GALNT17: variants seen among roughly 807,000 people sequenced by gnomAD.
GALNT17 encodes UDP-GalNAc:polypeptide N-acetylgalactosaminyltransferase-like 3.
A neutral mutation model predicts 63.7 loss-of-function variants in GALNT17; 29 were observed. The ratio of observed to expected loss-of-function variants is 0.46; its 90% CI spans 0.34 to 0.62. The LOEUF (loss-of-function observed/expected upper bound fraction) is 0.62. Among genes scored for constraint, GALNT17 ranks in the 20% least tolerant of loss-of-function variants. GALNT17 has a pLI of 0.01. For synonymous variants in GALNT17, 305 were observed against 318.3 expected (o/e 0.96, Z 0.45); for missense variants, 603 against 799.6 (o/e 0.75, Z 2.97).
chr7:71,558,861 C>T (rs1182794065), intron 5 of GALNT17, among the ~76,000 whole-genome samples: 1 of 152,076 alleles, frequency 6.6e-6, no homozygotes, highest in African/African-American at 2.4e-5. Context: ...AATCAGTCAG[C>T]CAAGGAAATG....
intron 5 of GALNT17, among the ~76,000 whole-genome samples, chr7:71,534,554 G>A (rs7805159): frequency 0.42 from 61,937 of 147,108 alleles, 13,742 homozygotes; most frequent in African/African-American, 0.58. Flanking sequence ...AGCCAAGATC[G>A]TGCCACTGCA....
At chr7:71,283,618 T>G (rs1334646612) in intron 1 of GALNT17, among the ~76,000 whole-genome samples, 1 of 152,088 alleles carries the variant, frequency 6.6e-6, no homozygotes, top group African/African-American at 2.4e-5. Flanking sequence ...TATCTTAAAT[T>G]GTAGTTTCTA....
chr7:71,593,290 G>A (rs1286615257), intron 6 of GALNT17, among the ~76,000 whole-genome samples: 1 of 122,162 alleles, frequency 8.2e-6, no homozygotes, highest in Non-Finnish European at 1.6e-5. Context: ...TTTTGAGACA[G>A]GAGTCTCACT....
At chr7:71,444,036 C>T (rs1264208580) in intron 5 of GALNT17, among the ~76,000 whole-genome samples, 2 of 152,144 alleles carry the variant, frequency 1.3e-5, no homozygotes, top group Admixed American at 1.3e-4. Context: ...CTGAATTGTT[C>T]CTTTATAGCA....
chr7:71,661,971 A>G (rs986589133), intron 6 of GALNT17, among the ~76,000 whole-genome samples: 1 of 152,166 alleles, frequency 6.6e-6, no homozygotes, highest in Non-Finnish European at 1.5e-5. Context: ...CAGGGCTAAC[A>G]CAGCCAACAT....
At chr7:71,498,526 G>A (rs1423718200) in intron 5 of GALNT17, among the ~76,000 whole-genome samples, 1 of 152,110 alleles carries the variant, frequency 6.6e-6, no homozygotes, top group East Asian at 1.9e-4. Flanking sequence ...AGAAACAGGA[G>A]GTGAATGTTT....
chr7:71,165,445 A>G (rs1226098325), intron 1 of GALNT17, among the ~76,000 whole-genome samples: 1 of 150,214 alleles, frequency 6.7e-6, no homozygotes, highest in Non-Finnish European at 1.5e-5. Flanking sequence ...GGTGAAAGGC[A>G]CGTTTCACAT....
At chr7:71,466,125 C>A (rs1446396458) in intron 5 of GALNT17, among the ~76,000 whole-genome samples, 1 of 152,116 alleles carries the variant, frequency 6.6e-6, no homozygotes, top group Non-Finnish European at 1.5e-5. Context: ...CCTGCAGTGG[C>A]CGTTTCAAAA....
intron 1 of GALNT17, among the ~76,000 whole-genome samples, chr7:71,138,969 G>T (rs1787836902): frequency 6.6e-6 from 1 of 151,972 alleles, no homozygotes; most frequent in Non-Finnish European, 1.5e-5. Flanking sequence ...AACAAGATTT[G>T]GTCTCAAATA....
chr7:71,301,800 A>C, intron 1 of GALNT17, among the ~76,000 whole-genome samples: 1 of 152,224 alleles, frequency 6.6e-6, no homozygotes, highest in East Asian at 1.9e-4. Flanking sequence ...AGGATAGGTA[A>C]ATTACAAAGT....
At chr7:71,645,342 GC>G (rs1331489106) in intron 6 of GALNT17, among the ~76,000 whole-genome samples, 3 of 152,280 alleles carry the variant, frequency 2.0e-5, no homozygotes, top group African/African-American at 7.2e-5. Context: ...GGATCATGGG[GC>G]CAGTTTCCCC....
intron 5 of GALNT17, among the ~76,000 whole-genome samples, chr7:71,434,566 T>G (rs60213385): frequency 0.011 from 1,665 of 152,248 alleles, 24 homozygotes; most frequent in African/African-American, 0.038. Flanking sequence ...TCCACCTTTC[T>G]TTTTTTCCCT....
chr7:71,401,166 G>C (rs950333579), intron 3 of GALNT17, among the ~76,000 whole-genome samples: 7 of 149,302 alleles, frequency 4.7e-5, no homozygotes, highest in Non-Finnish European at 1.0e-4. Flanking sequence ...TGTGATCTCA[G>C]CTCACTGCAA....
chr7:71,140,908 C>A (rs1413677238), intron 1 of GALNT17, among the ~76,000 whole-genome samples: 1 of 152,130 alleles, frequency 6.6e-6, no homozygotes, highest in Non-Finnish European at 1.5e-5. Context: ...ATGGTCCCAG[C>A]TACTCGAGAG....
chr7:71,214,778 A>G (rs1179696487), intron 1 of GALNT17, among the ~76,000 whole-genome samples: 1 of 152,068 alleles, frequency 6.6e-6, no homozygotes, highest in Non-Finnish European at 1.5e-5. Context: ...GGGTTTCACC[A>G]TGTTGGCTAG....
intron 6 of GALNT17, among the ~76,000 whole-genome samples, chr7:71,646,946 C>T (rs1488434809): frequency 6.6e-6 from 1 of 151,824 alleles, no homozygotes; most frequent in Non-Finnish European, 1.5e-5. Flanking sequence ...TGGGGTTTCA[C>T]CGTGTTAGCC....
At position 71,665,524 on chromosome 7, in the gene GALNT17, T is replaced by C. The variant is rs1378108610; in HGVS notation, c.1194T>C (p.Ala398=). ...SNIGFYTKRN[A]LRVAEVWMDD... Reference sequence around the variant, plus strand: ...TTGGCTTCTACACCAAGAGGAATGCTCTTCGCGTTGCTGAGGTCTGGATGG... The same window carrying C: ...TTGGCTTCTACACCAAGAGGAATGCCCTTCGCGTTGCTGAGGTCTGGATGG... The change falls in exon 7 of 11, where the codon GCT becomes GCC. Residue 398 remains alanine, a synonymous_variant. Coordinates refer to ENST00000333538, the MANE Select transcript of GALNT17 (RefSeq NM_022479.3). 1 of 1,613,910 alleles carries C rather than the reference T, an allele frequency of 6.2e-7. No homozygotes were observed. Among genetic ancestry groups the C allele is most frequent in the Non-Finnish European group, 8.5e-7 (1 of 1,180,008 alleles).
chr7:71,425,220 T>C (rs1049840061), intron 5 of GALNT17, among the ~76,000 whole-genome samples: 2 of 151,150 alleles, frequency 1.3e-5, no homozygotes, highest in Admixed American at 1.3e-4. Flanking sequence ...TGGTCAGGTC[T>C]TCAGAATTTT....
At chr7:71,499,437 A>T (rs937404915) in intron 5 of GALNT17, among the ~76,000 whole-genome samples, 1 of 152,198 alleles carries the variant, frequency 6.6e-6, no homozygotes, top group Non-Finnish European at 1.5e-5. Flanking sequence ...ATCTCAGATG[A>T]TGTTGATTTG....
Sources: gnomAD v4.1 joint callset for allele counts (sites outside exome capture counted in the v4.1 genomes callset) on GRCh38, gnomAD v4.1.1 for gene constraint, MANE v1.5 for transcripts, NCBI Gene and HGNC (gene_info 2026-07-23, HGNC 2026-07-21) for gene names.